COL24A1: variants seen among roughly 807,000 people sequenced by gnomAD.
COL24A1 encodes collagen alpha-1(XXIV) chain.
Under a neutral mutation model 253.9 loss-of-function variants are expected in COL24A1, and 224 were observed. The ratio of observed to expected loss-of-function variants is 0.88; its 90% CI spans 0.79 to 0.99. COL24A1 has a LOEUF of 0.99. COL24A1 is among the 50% of genes least tolerant of loss of function. The pLI is 0.00. For missense variants in COL24A1, 2,131 were observed against 2,068.5 expected (o/e 1.03, Z -0.59); for synonymous variants, 685 against 673.7 (o/e 1.02, Z -0.26).
intron 24 of COL24A1, among the ~76,000 whole-genome samples, chr1:85,956,457 C>T (rs1470607090): frequency 6.6e-6 from 1 of 152,178 alleles, no homozygotes; most frequent in East Asian, 1.9e-4. Flanking sequence ...TACATTAGCA[C>T]ACCAGACAGG....
chr1:85,997,039 ATATGTG>A (rs1429882492), intron 19 of COL24A1, among the ~76,000 whole-genome samples: 1 of 48,422 alleles, frequency 2.1e-5, no homozygotes, highest in African/African-American at 9.3e-5. Context: ...ATATATATAT[ATATGTG>A]TGTGTGTGTG....
chr1:85,886,671 GA>G (rs887597194), intron 32 of COL24A1, among the ~76,000 whole-genome samples: 16 of 145,416 alleles, frequency 1.1e-4, no homozygotes, highest in South Asian at 2.2e-4. Context: ...TCTTAAAAAA[GA>G]AAAAAAAAAT....
intron 28 of COL24A1, 66 bp downstream of exon 28, chr1:85,907,128 A>G: frequency 7.6e-7 from 1 of 1,311,708 alleles, no homozygotes; most frequent in Non-Finnish European, 1.1e-6. Flanking sequence ...TTTTTGTTGC[A>G]CATTTTCCAC....
chr1:86,088,314 C>A (rs1262239589), intron 7 of COL24A1, among the ~76,000 whole-genome samples: 1 of 152,146 alleles, frequency 6.6e-6, no homozygotes, highest in Non-Finnish European at 1.5e-5. Context: ...GAATATGGAA[C>A]ACTAAGACAA....
In COL24A1 at chr1:86,026,420, G is replaced by A. The variant is rs581018; in HGVS notation, c.2050-3413C>T. On this transcript the variant is annotated intron_variant, in intron 14 of 59. Transcript: ENST00000370571. ...GTGGACATAATCAGATCATTGGGGA[G>A]GATTCCCCCATGCTATTCTCATGAT... Among the ~76,000 whole-genome samples the A allele has an allele frequency of 2.6e-5, 4 of 152,226 alleles. No homozygotes were observed. In the South Asian group the frequency reaches 8.3e-4, roughly 32 times the overall value.
intron 5 of COL24A1, among the ~76,000 whole-genome samples, chr1:86,094,067 G>A (rs952715959): frequency 3.9e-5 from 6 of 152,166 alleles, no homozygotes; most frequent in Admixed American, 1.3e-4. Context: ...CACCCATTGC[G>A]GAAGACAGTG....
chr1:86,067,272 T>C (rs1701568325), intron 7 of COL24A1, among the ~76,000 whole-genome samples: 1 of 152,134 alleles, frequency 6.6e-6, no homozygotes, highest in African/African-American at 2.4e-5. Flanking sequence ...GATGGGACTC[T>C]GGAGTGGGCA....
At chr1:85,775,633 A>G (rs374908126) in intron 53 of COL24A1, 41 bp downstream of exon 53, 1 of 1,533,984 alleles carries the variant, frequency 6.5e-7, no homozygotes, top group East Asian at 2.3e-5. Flanking sequence ...CTTATAGCCT[A>G]GTGTCAGGGT....
chr1:86,038,304 T>C (rs905907092), intron 12 of COL24A1, among the ~76,000 whole-genome samples: 1 of 152,200 alleles, frequency 6.6e-6, no homozygotes, highest in Admixed American at 6.6e-5. Context: ...TAAGATTCTA[T>C]TGCATTCATG....
chr1:85,902,934 T>C (rs1684463926), intron 28 of COL24A1, among the ~76,000 whole-genome samples: 1 of 152,156 alleles, frequency 6.6e-6, no homozygotes, highest in South Asian at 2.1e-4. Flanking sequence ...ATAGAAATGA[T>C]AAATGCTAAA....
At chr1:85,849,295 T>C (rs894899945) in intron 38 of COL24A1, 58 bp downstream of exon 38, 7 of 1,302,718 alleles carry the variant, frequency 5.4e-6, no homozygotes, top group Admixed American at 3.6e-5. Context: ...CAGCAGTCTA[T>C]GGAGTTCTGG....
chr1:85,768,740 A>G (rs1283977180), intron 53 of COL24A1, among the ~76,000 whole-genome samples: 1 of 152,172 alleles, frequency 6.6e-6, no homozygotes, highest in Non-Finnish European at 1.5e-5. Flanking sequence ...GGTGAAAGGT[A>G]GTTATTACCT....
chr1:85,730,667 G>C lies in COL24A1; in HGVS notation c.5024C>G (p.Ala1675Gly). 1.2e-6 allele frequency: 2 copies of C among 1,613,920 alleles called. No individual in the cohort carries two copies. Among genetic ancestry groups the C allele is most frequent in the Non-Finnish European group, 1.7e-6 (2 of 1,179,884 alleles). The part of the protein sequence containing the change: ...CKIQDGSWHK[A>G]TFLFHTQEPN... Reference sequence around the variant, plus strand: ...TTCCTGGGTGTGAAAAAGAAATGTTGCCTTATGCCAGCTGCCATCTTGAAT... The same window carrying C: ...TTCCTGGGTGTGAAAAAGAAATGTTCCCTTATGCCAGCTGCCATCTTGAAT... The change falls in exon 60 of 60, where the codon GCA (alanine) becomes GGA (glycine). Residue 1675 changes from alanine (A) to glycine (G), a missense_variant. Physicochemically the swap from Ala to Gly is moderately conservative, Grantham distance 60 (BLOSUM62 0). Transcript: ENST00000370571.
intron 14 of COL24A1, among the ~76,000 whole-genome samples, chr1:86,028,931 G>A (rs1698294895): frequency 6.6e-6 from 1 of 152,156 alleles, no homozygotes; most frequent in Non-Finnish European, 1.5e-5. Context: ...GGACATGTGG[G>A]TAAGAACTAA....
chr1:85,995,410 T>A (rs1471426751), intron 19 of COL24A1, among the ~76,000 whole-genome samples: 1 of 152,184 alleles, frequency 6.6e-6, no homozygotes, highest in East Asian at 1.9e-4. Flanking sequence ...TTAACATCAC[T>A]TTTAAGGGAA....
At chr1:86,016,531 T>C (rs1697009402) in intron 19 of COL24A1, among the ~76,000 whole-genome samples, 2 of 152,354 alleles carry the variant, frequency 1.3e-5, no homozygotes, top group South Asian at 4.1e-4. Context: ...TATGGGCATA[T>C]ATTTTTGAAA....
intron 57 of COL24A1, among the ~76,000 whole-genome samples, chr1:85,744,375 G>A (rs1193277884): frequency 6.6e-6 from 1 of 151,976 alleles, no homozygotes; most frequent in East Asian, 1.9e-4. Context: ...ACCAAGTTCT[G>A]ATGAGTACTA....
rs1424289735 is a variant in COL24A1, at chr1:85,775,522, C to T, written c.4374+152G>A. 38 of 622,772 alleles carry T rather than the reference C, an allele frequency of 6.1e-5. No individual in the cohort carries two copies. The East Asian group carries it at 7.9e-4, about 13-fold the overall frequency. 38.6% of individuals were successfully genotyped at this position (622,772 alleles called of 1,614,324 possible). A position where few individuals can be genotyped will look rare whatever the true frequency, so the allele number is the denominator to read the frequency against. ...TGAGTCTAAGTCTCTTTTACTGCAT[C>T]GGTTAATTCTACTTCCTGACAACTG... On this transcript the variant is annotated intron_variant, in intron 53 of 59. Coordinates refer to ENST00000370571, the MANE Select transcript of COL24A1 (RefSeq NM_152890.7).
At chr1:85,952,639 T>C (rs1379816697) in intron 24 of COL24A1, among the ~76,000 whole-genome samples, 1 of 152,240 alleles carries the variant, frequency 6.6e-6, no homozygotes, top group Non-Finnish European at 1.5e-5. Flanking sequence ...CTACAGCCCG[T>C]AGGCTACCTC....
Sources: gnomAD v4.1 joint callset for allele counts (sites outside exome capture counted in the v4.1 genomes callset) on GRCh38, gnomAD v4.1.1 for gene constraint, MANE v1.5 for transcripts, NCBI Gene and HGNC (gene_info 2026-07-23, HGNC 2026-07-21) for gene names.